TLK2: variants seen among roughly 807,000 people sequenced by gnomAD.
TLK2 encodes tousled like kinase 2, also known as serine/threonine-protein kinase tousled-like 2.
TLK2 carries 6 observed loss-of-function variants against 117.3 expected under a neutral mutation model. The observed-to-expected ratio is 0.05, with a 90% CI of 0.03 to 0.10. The LOEUF is 0.10. TLK2 is among the 10% of genes least tolerant of loss of function. The pLI is 1.00. For synonymous variants in TLK2, 257 were observed against 316.7 expected (o/e 0.81, Z 2.00); for missense variants, 299 against 901.2 (o/e 0.33, Z 8.56).
At chr17:62,488,779 A>G (rs968823863) in intron 2 of TLK2, among the ~76,000 whole-genome samples, 4 of 150,750 alleles carry the variant, frequency 2.7e-5, no homozygotes, top group African/African-American at 9.7e-5. Flanking sequence ...GTTAATGTTA[A>G]TACCTTTGTC....
At chr17:62,519,657 G>A (rs1290962904) in intron 2 of TLK2, among the ~76,000 whole-genome samples, 1 of 151,974 alleles carries the variant, frequency 6.6e-6, no homozygotes, top group Non-Finnish European at 1.5e-5. Context: ...AATTATTATT[G>A]TTTATAATAT....
intron 16 of TLK2, among the ~76,000 whole-genome samples, chr17:62,596,305 A>T (rs1598842649): frequency 6.6e-6 from 1 of 151,882 alleles, no homozygotes; most frequent in Admixed American, 6.6e-5. Flanking sequence ...CCATCTCTTG[A>T]CCTCGTGATC....
chr17:62,488,229 C>T (rs1239228334), intron 2 of TLK2, among the ~76,000 whole-genome samples: 4 of 152,208 alleles, frequency 2.6e-5, no homozygotes, highest in African/African-American at 4.8e-5. Context: ...CCACCGTGCC[C>T]GGGCCAAGGA....
At chr17:62,574,208 A>T in intron 12 of TLK2, 1 of 1,358,592 alleles carries the variant, frequency 7.4e-7, no homozygotes, top group Non-Finnish European at 9.7e-7. Flanking sequence ...GTGGCATCCT[A>T]GAAGTGCATC....
intron 17 of TLK2, among the ~76,000 whole-genome samples, chr17:62,599,761 G>C (rs1253194501): frequency 6.6e-6 from 1 of 151,402 alleles, no homozygotes; most frequent in Non-Finnish European, 1.5e-5. Flanking sequence ...TGTTCAGGTG[G>C]TTTTTTTTTC....
intron 21 of TLK2, among the ~76,000 whole-genome samples, chr17:62,609,131 G>C (rs1218310895): frequency 2.6e-5 from 4 of 152,160 alleles, no homozygotes; most frequent in Non-Finnish European, 5.9e-5. Flanking sequence ...ACCGTGTCTG[G>C]AGTGCAGTGG....
At chr17:62,569,291 G>T (rs1166435494) in intron 11 of TLK2, among the ~76,000 whole-genome samples, 1 of 147,624 alleles carries the variant, frequency 6.8e-6, no homozygotes, top group African/African-American at 2.5e-5. Context: ...GACAGAGTGA[G>T]ACTTCGTCTC....
chr17:62,477,952 C>G (rs2071123227), upstream of TLK2: 1 of 152,168 alleles, frequency 6.6e-6, no homozygotes, highest in South Asian at 2.1e-4. Flanking sequence ...ATGGAACCTC[C>G]CCCTGGGTGC....
At chr17:62,550,544 A>G (rs2078371663) in intron 7 of TLK2, 2 of 152,212 alleles carry the variant, frequency 1.3e-5, no homozygotes, top group Non-Finnish European at 2.9e-5. Flanking sequence ...GCTTAGACAT[A>G]GGGAGTACTT....
chr17:62,594,821 CA>C (rs1567991677), intron 16 of TLK2, among the ~76,000 whole-genome samples: 13 of 150,906 alleles, frequency 8.6e-5, no homozygotes, highest in African/African-American at 2.7e-4. Context: ...CACACACACA[CA>C]CACACACACC....
chr17:62,476,310 G>A (rs557190025), upstream of TLK2, among the ~76,000 whole-genome samples: 9 of 152,096 alleles, frequency 5.9e-5, no homozygotes, highest in South Asian at 2.1e-4. Context: ...TCGGCCAGGC[G>A]CGGTGGCTCA....
chr17:62,526,458 C>T (rs572265020), intron 6 of TLK2, among the ~76,000 whole-genome samples: 207 of 152,294 alleles, frequency 1.4e-3, no homozygotes, highest in African/African-American at 4.7e-3. Flanking sequence ...TCCACATGCT[C>T]CTACTGCAGA....
At chr17:62,489,863 T>A (rs2072919856) in intron 2 of TLK2, among the ~76,000 whole-genome samples, 2 of 151,952 alleles carry the variant, frequency 1.3e-5, no homozygotes, top group Non-Finnish European at 2.9e-5. Context: ...TGAGATGGAG[T>A]CAACTTGCCC....
At chr17:62,487,620 CTT>C (rs71155932) in intron 2 of TLK2, among the ~76,000 whole-genome samples, 1 of 104,308 alleles carries the variant, frequency 9.6e-6, no homozygotes. Context: ...TGGCAAGTAT[CTT>C]TTTTTTTTTT....
Position 62,482,671 on chromosome 17 carries a change from C to T in TLK2, c.81+1465C>T, listed in dbSNP as rs1022286589. Among the ~76,000 whole-genome samples, 8 of 152,120 alleles carry T rather than the reference C, an allele frequency of 5.3e-5. No homozygotes were observed. The South Asian group carries it at 8.3e-4, about 16-fold the overall frequency. On this transcript the variant is annotated intron_variant, in intron 2 of 21. Coordinates refer to ENST00000346027, the MANE Select transcript of TLK2 (RefSeq NM_006852.6). ...TCTCCATGTTGGCCAGGCTGGGTCT[C>T]GAACTCCTGACCTCCAGTGATCTGC...
At chr17:62,565,363 T>C (rs1340191000) in intron 11 of TLK2, among the ~76,000 whole-genome samples, 1 of 151,940 alleles carries the variant, frequency 6.6e-6, no homozygotes, top group African/African-American at 2.4e-5. Context: ...ATAAATAAAG[T>C]ATGAGTTCAG....
intron 7 of TLK2, among the ~76,000 whole-genome samples, chr17:62,544,879 G>A (rs1239503389): frequency 1.3e-5 from 2 of 152,094 alleles, no homozygotes; most frequent in African/African-American, 4.8e-5. Context: ...TTTCAACAAT[G>A]TTTTGCAACT....
At chr17:62,479,760 G>T (rs113218134) in intron 1 of TLK2, among the ~76,000 whole-genome samples, 46 of 152,328 alleles carry the variant, frequency 3.0e-4, no homozygotes, top group Non-Finnish European at 5.3e-4. Flanking sequence ...TCCTTAACAT[G>T]AGTTGACATT....
At chr17:62,496,177 A>G (rs1344927316) in intron 2 of TLK2, among the ~76,000 whole-genome samples, 1 of 152,168 alleles carries the variant, frequency 6.6e-6, no homozygotes, top group East Asian at 1.9e-4. Context: ...CAAGTATATT[A>G]TATAAACTAT....
Sources: allele counts gnomAD v4.1 joint callset (sites outside exome capture counted in the v4.1 genomes callset), GRCh38; gene constraint gnomAD v4.1.1; transcripts MANE v1.5; gene names NCBI Gene and HGNC (gene_info 2026-07-23, HGNC 2026-07-21).